C12orf57: variants seen among roughly 807,000 people sequenced by gnomAD.
C12orf57 encodes the protein chromosome 12 open reading frame 57, also known as protein C10.
Under a neutral mutation model 11.3 loss-of-function variants are expected in C12orf57, and 14 were observed. The ratio of observed to expected loss-of-function variants is 1.24; its 90% CI spans 0.82 to 1.94. The LOEUF is 1.94. Ranked by LOEUF, C12orf57 falls within the 30% of genes most tolerant of loss-of-function variation. C12orf57 has a pLI of 0.00. For missense variants in C12orf57, 229 were observed against 172.4 expected (o/e 1.33, Z -1.84); for synonymous variants, 100 against 74.6 (o/e 1.34, Z -1.76).
chr12:6,944,819 GCTTGTGCGTC>G (rs1555146200), intron 2 of C12orf57, 167 bp downstream of exon 2: 1 of 1,457,128 alleles, frequency 6.9e-7, no homozygotes, highest in Admixed American at 2.7e-5. Context: ...TCTACCCTGA[GCTTGTGCGTC>G]CGAGTTGCGT....
chr12:6,944,407 C>A, intron 1 of C12orf57, 69 bp from the exon 2 acceptor site: 1 of 1,570,666 alleles, frequency 6.4e-7, no homozygotes, highest in South Asian at 1.1e-5. Context: ...CTTGCGCTCT[C>A]CGCTGGGCCC....
upstream of C12orf57, chr12:6,943,807 CAT>C (rs1271427729): frequency 5.7e-6 from 5 of 879,550 alleles, no homozygotes; most frequent in Non-Finnish European, 7.9e-6. Flanking sequence ...TCTCCAAACA[CAT>C]ACGCAGCAGT....
rs1555145978 is a variant in C12orf57, at chr12:6,944,466, TG to T, written c.53-8del. The T allele has an allele frequency of 6.2e-7, 1 of 1,610,590 alleles. No homozygotes were observed. Among genetic ancestry groups the T allele is most frequent in the Non-Finnish European group, 8.5e-7 (1 of 1,179,244 alleles). On this transcript the variant is annotated splice_polypyrimidine_tract_variant and intron_variant, in intron 1 of 2. Coordinates refer to ENST00000229281, the MANE Select transcript of C12orf57 (RefSeq NM_138425.4). ...CCGGGACGCCTCCCTGGGATGCTTCTGGCGCGCAGTGGTCCTCGCGGAGGTG... is the reference window on the plus strand; with the variant it reads ...CCGGGACGCCTCCCTGGGATGCTTCTGCGCGCAGTGGTCCTCGCGGAGGTG...
rs1162658808 is a variant in C12orf57, at chr12:6,944,027, C to G, written c.-95C>G. The G allele has an allele frequency of 3.1e-6, 5 of 1,603,258 alleles. No homozygotes were observed. Among genetic ancestry groups the G allele is most frequent in the Admixed American group, 1.7e-5 (1 of 59,626 alleles). On this transcript the variant is annotated 5_prime_UTR_variant, in exon 1 of 3. Transcript: ENST00000229281. ...GGCTGCGCCGGATGCTGTTTCCTTT[C>G]CGCTCCCAGGGGCGTTGGGAACGGT... is the stretch of plus-strand genomic sequence containing the variant.
chr12:6,943,860 T>C (rs781874734), upstream of C12orf57: 7 of 932,810 alleles, frequency 7.5e-6, no homozygotes, highest in Middle Eastern at 3.5e-4. Context: ...GCTTTCTGGC[T>C]TTTTACCGGA....
At chr12:6,945,690 T>C (rs1234004935) in intron 2 of C12orf57, 81 bp from the exon 3 acceptor site, 4 of 1,452,490 alleles carry the variant, frequency 2.8e-6, no homozygotes, top group Non-Finnish European at 3.8e-6. Flanking sequence ...GAGCAGTTCA[T>C]GCTTAGACTA....
upstream of C12orf57, chr12:6,943,523 C>T: frequency 7.8e-7 from 1 of 1,285,374 alleles, no homozygotes; most frequent in South Asian, 1.2e-5. Context: ...TTGCTCTGGG[C>T]CTTTACTGCC....
chr12:6,943,852 T>A (rs1012635845), upstream of C12orf57: 3 of 905,832 alleles, frequency 3.3e-6, no homozygotes, highest in African/African-American at 1.7e-5. Flanking sequence ...TCTAGTAGGC[T>A]TTCTGGCTTT....
upstream of C12orf57, chr12:6,943,897 A>T (rs184449622): frequency 3.7e-6 from 4 of 1,093,674 alleles, no homozygotes; most frequent in South Asian, 1.6e-5. Flanking sequence ...GTTTGTTGCC[A>T]ATGATAGATT....
In C12orf57 at chr12:6,944,086, A is replaced by T; in HGVS notation, c.-36A>T. ...GTGGCTCTTTATTCGTGAGTTTTCC[A>T]TTTACCTCCGCTGAACCTAGAGCTT... On this transcript the variant is annotated 5_prime_UTR_variant, in exon 1 of 3. Transcript: ENST00000229281. 3 of 1,613,964 alleles carry T rather than the reference A, an allele frequency of 1.9e-6. No individual in the cohort carries two copies. The highest frequency in any genetic ancestry group is 2.2e-5 in the South Asian group (2 of 91,084).
At chr12:6,943,985 C>G (rs781852027), upstream of C12orf57, 10 of 1,579,762 alleles carry the variant, frequency 6.3e-6, no homozygotes, top group African/African-American at 2.7e-5. Context: ...AGGTTTGGGC[C>G]ACGCCTGGGC....
intron 1 of C12orf57, 42 bp downstream of exon 1, chr12:6,944,215 G>A (rs377422594): frequency 3.8e-6 from 6 of 1,565,768 alleles, no homozygotes; most frequent in African/African-American, 1.3e-5. Context: ...CTGGCCTGGG[G>A]TAGTCAAGGC....
chr12:6,944,214 G>A (rs368203841), intron 1 of C12orf57, 41 bp downstream of exon 1: 196 of 1,565,634 alleles, frequency 1.3e-4, no homozygotes, highest in Admixed American at 1.5e-4. Context: ...GCTGGCCTGG[G>A]GTAGTCAAGG....
At chr12:6,943,497 A>C, upstream of C12orf57, 1 of 1,273,530 alleles carries the variant, frequency 7.9e-7, no homozygotes, top group Non-Finnish European at 1.0e-6. Context: ...CCTTTAGGAA[A>C]CTGCGACAAC....
chr12:6,943,789 C>A, upstream of C12orf57: 1 of 939,452 alleles, frequency 1.1e-6, no homozygotes, highest in Non-Finnish European at 1.4e-6. Flanking sequence ...CCTTTATATC[C>A]CATCTTCTCT....
upstream of C12orf57, chr12:6,943,902 T>TAGATTGTTTTC: frequency 8.9e-7 from 1 of 1,122,780 alleles, no homozygotes; most frequent in South Asian, 1.6e-5. Flanking sequence ...TTGCCAATGA[T>TAGATTGTTTTC]AGATTGTTTT....
upstream of C12orf57, chr12:6,944,016 C>T (rs781973025): frequency 3.9e-5 from 63 of 1,605,130 alleles, 1 homozygote; most frequent in East Asian, 5.8e-4. Flanking sequence ...GCGCCGGATG[C>T]TGTTTCCTTT....
upstream of C12orf57, chr12:6,943,597 C>A: frequency 7.8e-7 from 1 of 1,289,784 alleles, no homozygotes; most frequent in South Asian, 1.2e-5. Context: ...CTCAACCAAT[C>A]AGCACCGAAC....
At chr12:6,944,764 G>A (rs782381053) in intron 2 of C12orf57, 112 bp downstream of exon 2, 1 of 1,555,426 alleles carries the variant, frequency 6.4e-7, no homozygotes, top group Non-Finnish European at 8.7e-7. Context: ...GCCACACGGC[G>A]GCAGCCACAA....
Sources: allele counts gnomAD v4.1 joint callset, GRCh38; gene constraint gnomAD v4.1.1; transcripts MANE v1.5; gene names NCBI Gene and HGNC (gene_info 2026-07-23, HGNC 2026-07-21).